TMC1: variants seen among roughly 807,000 people sequenced by gnomAD.
The protein encoded by TMC1 is transmembrane channel like 1.
In TMC1, 84 loss-of-function variants were observed where a neutral mutation model predicts 105.8. The observed-to-expected ratio is 0.79, with a 90% CI of 0.67 to 0.95. The LOEUF is 0.95. Ranked by LOEUF, TMC1 falls within the 40% of genes least tolerant of loss-of-function variation. TMC1 has a pLI of 0.00. For synonymous variants in TMC1, 315 were observed against 311.5 expected (o/e 1.01, Z -0.12); for missense variants, 817 against 914.1 (o/e 0.89, Z 1.37).
rs529785583 is a variant in TMC1 at position 72,833,108 on chromosome 9, A to ATACTCT, written c.2260+2428_2260+2433dup. On this transcript the variant is annotated intron_variant, in intron 23 of 23. Coordinates refer to ENST00000297784, the MANE Select transcript of TMC1 (RefSeq NM_138691.3). Reference sequence around the variant, plus strand: ...AATAGATAATATTTAAACGATTTTTATACTCTTGCCCCAGTCTTTCTATGC... The same window carrying ATACTCT: ...AATAGATAATATTTAAACGATTTTTATACTCTTACTCTTGCCCCAGTCTTTCTATGC... Among the ~76,000 whole-genome samples, 393 of 152,266 alleles carry ATACTCT rather than the reference A, an allele frequency of 2.6e-3. 4 individuals carry two copies. Among genetic ancestry groups the ATACTCT allele is most frequent in the African/African-American group, 8.9e-3 (368 of 41,566 alleles).
chr9:72,610,941 A>G (rs778138799), intron 2 of TMC1, among the ~76,000 whole-genome samples: 2 of 152,226 alleles, frequency 1.3e-5, no homozygotes, highest in Non-Finnish European at 2.9e-5. Context: ...GAGTGGTGGT[A>G]TCGAGCTAGA....
chr9:72,603,900 C>T (rs1047458239), intron 2 of TMC1, among the ~76,000 whole-genome samples: 2 of 102,866 alleles, frequency 1.9e-5, no homozygotes, highest in African/African-American at 7.7e-5. Flanking sequence ...GAATTTCGCT[C>T]TTGTTGCCCA....
At chr9:72,788,313 C>G in intron 13 of TMC1, 26 bp from the exon 14 acceptor site, 1 of 1,613,736 alleles carries the variant, frequency 6.2e-7, no homozygotes, top group Non-Finnish European at 8.5e-7. Context: ...TTTCTGGCTG[C>G]TGGGTTAAAC....
At chr9:72,527,156 A>G (rs1313520057) in intron 1 of TMC1, among the ~76,000 whole-genome samples, 1 of 152,216 alleles carries the variant, frequency 6.6e-6, no homozygotes, top group Admixed American at 6.5e-5. Flanking sequence ...GGCTCAGGGC[A>G]AAGCTCCCAG....
intron 6 of TMC1, among the ~76,000 whole-genome samples, chr9:72,692,256 A>T (rs1329376654): frequency 6.6e-6 from 1 of 152,158 alleles, no homozygotes; most frequent in African/African-American, 2.4e-5. Context: ...AGAATGTTGA[A>T]CACATGGTTC....
At chr9:72,775,666 T>C (rs1827994463) in intron 13 of TMC1, among the ~76,000 whole-genome samples, 1 of 152,210 alleles carries the variant, frequency 6.6e-6, no homozygotes, top group African/African-American at 2.4e-5. Context: ...TTAGTCCATT[T>C]CGTGTTGCTA....
At position 72,766,935 on chromosome 9, in the gene TMC1, C is replaced by A. The variant is rs529640563; in HGVS notation, c.742-5478C>A. 3.3e-5 allele frequency among the ~76,000 whole-genome samples: 5 copies of A among 152,318 alleles called. No homozygotes were observed. In the East Asian group the frequency reaches 9.6e-4, roughly 29 times the overall value. On this transcript the variant is annotated intron_variant, in intron 12 of 23. Transcript: ENST00000297784. ...GCTGGAGAGGAGGAGTGTGGCCATGCGCTGCTGTCAGCATGCAGCTCACAA... is the reference window on the plus strand; with the variant it reads ...GCTGGAGAGGAGGAGTGTGGCCATGAGCTGCTGTCAGCATGCAGCTCACAA...
chr9:72,787,080 C>A (rs1828179780), intron 13 of TMC1, among the ~76,000 whole-genome samples: 1 of 151,414 alleles, frequency 6.6e-6, no homozygotes, highest in Non-Finnish European at 1.5e-5. Flanking sequence ...AGCTTGAGCA[C>A]TGGAGCAAAG....
At chr9:72,684,114 G>A (rs146702521) in intron 5 of TMC1, among the ~76,000 whole-genome samples, 19 of 152,104 alleles carry the variant, frequency 1.2e-4, no homozygotes, top group African/African-American at 2.9e-4. Flanking sequence ...AATCTAATTC[G>A]TGTTGTTTTC....
chr9:72,556,146 C>T lies in TMC1; in HGVS notation c.-427-21756C>T, dbSNP rs1454542983. Among the ~76,000 whole-genome samples, 9 of 147,314 alleles carry T rather than the reference C, an allele frequency of 6.1e-5. No homozygotes were observed. In the South Asian group the frequency reaches 1.7e-3, roughly 28 times the overall value. On this transcript the variant is annotated intron_variant, in intron 1 of 23. Coordinates refer to ENST00000297784, the MANE Select transcript of TMC1 (RefSeq NM_138691.3). Reference sequence around the variant, plus strand: ...TTTTTTTTTTTTTGAGACGGAGTTTCGCTTTGGTTAGCCAGACTGGAGTAC... The same window carrying T: ...TTTTTTTTTTTTTGAGACGGAGTTTTGCTTTGGTTAGCCAGACTGGAGTAC...
chr9:72,581,739 G>T (rs1824478321), intron 2 of TMC1, among the ~76,000 whole-genome samples: 1 of 152,198 alleles, frequency 6.6e-6, no homozygotes, highest in African/African-American at 2.4e-5. Flanking sequence ...CTTAATAATG[G>T]GGAGTGACTC....
chr9:72,772,367 T>G, intron 12 of TMC1, 46 bp from the exon 13 acceptor site: 1 of 1,613,012 alleles, frequency 6.2e-7, no homozygotes, highest in Non-Finnish European at 8.5e-7. Flanking sequence ...TTCCTTTGAG[T>G]TGCTCTTCAC....
intron 23 of TMC1, among the ~76,000 whole-genome samples, chr9:72,834,804 G>T (rs925241285): frequency 6.6e-6 from 1 of 152,204 alleles, no homozygotes; most frequent in African/African-American, 2.4e-5. Context: ...AAGTGAAGCC[G>T]ATCTCAGACT....
chr9:72,700,733 TATATATATATAC>T, intron 8 of TMC1, 90 bp downstream of exon 8: 7 of 172,330 alleles, frequency 4.1e-5, no homozygotes, highest in Non-Finnish European at 6.4e-5. Flanking sequence ...TATATATATA[TATATATATATAC>T]ACACACACAC....
intron 8 of TMC1, among the ~76,000 whole-genome samples, chr9:72,723,247 C>T (rs960732224): frequency 1.3e-5 from 2 of 149,942 alleles, no homozygotes; most frequent in Non-Finnish European, 3.0e-5. Flanking sequence ...ATATGACTTT[C>T]CTCCCAAATC....
chr9:72,820,590 G>A (rs189276887), intron 19 of TMC1, among the ~76,000 whole-genome samples: 22 of 151,918 alleles, frequency 1.4e-4, no homozygotes, highest in Non-Finnish European at 2.9e-5. Flanking sequence ...AGTAGGTATA[G>A]TTAGTTACAG....
At chr9:72,689,369 G>A (rs908065502) in intron 6 of TMC1, among the ~76,000 whole-genome samples, 10 of 152,094 alleles carry the variant, frequency 6.6e-5, no homozygotes, top group African/African-American at 2.4e-4. Context: ...GAATGTTAGA[G>A]TAGTATTTTT....
chr9:72,577,434 A>G (rs1824402222), intron 1 of TMC1, among the ~76,000 whole-genome samples: 1 of 152,228 alleles, frequency 6.6e-6, no homozygotes, highest in Admixed American at 6.5e-5. Flanking sequence ...TGTGTAAAAG[A>G]GAGACTCATC....
intron 3 of TMC1, among the ~76,000 whole-genome samples, chr9:72,618,452 A>G (rs993485390): frequency 6.6e-6 from 1 of 152,216 alleles, no homozygotes; most frequent in Non-Finnish European, 1.5e-5. Flanking sequence ...AACTAACTGT[A>G]AGTTGAGTTG....
Sources: gnomAD v4.1 joint callset for allele counts (sites outside exome capture counted in the v4.1 genomes callset) on GRCh38, gnomAD v4.1.1 for gene constraint, MANE v1.5 for transcripts, NCBI Gene and HGNC (gene_info 2026-07-23, HGNC 2026-07-21) for gene names.